Variants in PDE4D observed in about 807,000 individuals in gnomAD.
The protein encoded by PDE4D is 3',5'-cyclic-AMP phosphodiesterase 4D.
A neutral mutation model predicts 87.4 loss-of-function variants in PDE4D; 24 were observed. That is an observed-to-expected ratio of 0.27 (90% CI 0.20 to 0.39). The LOEUF (loss-of-function observed/expected upper bound fraction) is 0.39, where lower values mean the gene tolerates loss of function less well. Ranked by LOEUF, PDE4D falls within the 10% of genes least tolerant of loss-of-function variation. The pLI is 1.00. For missense variants in PDE4D, 714 were observed against 1,041.0 expected (o/e 0.69, Z 4.32); for synonymous variants, 384 against 383.2 (o/e 1.00, Z -0.02).
rs540581067 is a variant in PDE4D, at chr5:60,193,629, G to A, written c.-89-7942C>T. ...GGAGCCTGCAGTGAGCCGAGATTGC[G>A]CCACTGCACTCCAGCCTGGGCGACA... On this transcript the variant is annotated intron_variant, in intron 1 of 16. Transcript: ENST00000502484. Among the ~76,000 whole-genome samples, 193 of 117,658 alleles carry A rather than the reference G, an allele frequency of 1.6e-3. 1 individual carries two copies. The highest frequency in any genetic ancestry group is 5.8e-3 in the African/African-American group (175 of 30,100). 77.2% of individuals were successfully genotyped at this position (117,658 alleles called of 152,430 possible).
intron 2 of PDE4D, among the ~76,000 whole-genome samples, chr5:60,024,670 T>C (rs1766433198): frequency 6.6e-6 from 1 of 152,128 alleles, no homozygotes. Flanking sequence ...GCCACAAATT[T>C]GTAAGTCATA....
At chr5:59,140,736 G>A (rs1056107418) in intron 5 of PDE4D, among the ~76,000 whole-genome samples, 2 of 151,978 alleles carry the variant, frequency 1.3e-5, no homozygotes, top group South Asian at 4.2e-4. Flanking sequence ...TGTACCAGAG[G>A]GTCAATATTT....
chr5:59,209,588 G>A (rs1749634464), intron 2 of PDE4D, among the ~76,000 whole-genome samples: 2 of 152,058 alleles, frequency 1.3e-5, no homozygotes, highest in South Asian at 4.2e-4. Flanking sequence ...TTTAATAACA[G>A]CAACACATTG....
At chr5:60,274,169 T>C (rs1274324415) in intron 1 of PDE4D, among the ~76,000 whole-genome samples, 3 of 151,872 alleles carry the variant, frequency 2.0e-5, no homozygotes, top group Admixed American at 1.3e-4. Context: ...ATATTGATGA[T>C]GGGGGTAGAG....
intron 2 of PDE4D, among the ~76,000 whole-genome samples, chr5:60,039,263 A>C (rs556356398): frequency 1.6e-3 from 236 of 151,442 alleles, no homozygotes; most frequent in Non-Finnish European, 2.9e-3. Context: ...AGCCATAAAA[A>C]AATGAGTTCA....
At chr5:59,335,474 T>C (rs1777497610) in intron 1 of PDE4D, among the ~76,000 whole-genome samples, 1 of 152,176 alleles carries the variant, frequency 6.6e-6, no homozygotes, top group African/African-American at 2.4e-5. Flanking sequence ...CCTCTAAAAA[T>C]ACATAGTTTT....
intron 1 of PDE4D, among the ~76,000 whole-genome samples, chr5:59,232,966 C>T (rs1248217630): frequency 6.6e-6 from 1 of 152,024 alleles, no homozygotes; most frequent in Non-Finnish European, 1.5e-5. Flanking sequence ...CATGTTCTCA[C>T]TCATAAGTGG....
intron 5 of PDE4D, among the ~76,000 whole-genome samples, chr5:59,045,316 G>A (rs1760428777): frequency 6.6e-6 from 1 of 152,172 alleles, no homozygotes; most frequent in Non-Finnish European, 1.5e-5. Flanking sequence ...CACTTTGGGA[G>A]GCCGAGGTGG....
At position 58,974,522 on chromosome 5, in the gene PDE4D, A is replaced by T; in HGVS notation, c.*142T>A. Reference sequence around the variant, plus strand: ...TGGTTACGATATTCCTGAGCGCTGGACTGAGTAGTCAAGGTCAGTTTTGTT... The same window carrying T: ...TGGTTACGATATTCCTGAGCGCTGGTCTGAGTAGTCAAGGTCAGTTTTGTT... On this transcript the variant is annotated 3_prime_UTR_variant, in exon 15 of 15. Transcript: ENST00000340635. 2 of 696,752 alleles carry T rather than the reference A, an allele frequency of 2.9e-6. No individual in the cohort carries two copies. The highest frequency in any genetic ancestry group is 1.8e-5 in the African/African-American group (1 of 56,864). 43.2% of individuals were successfully genotyped at this position (696,752 alleles called of 1,614,324 possible).
intron 1 of PDE4D, among the ~76,000 whole-genome samples, chr5:59,801,892 C>G (rs967131807): frequency 1.3e-5 from 2 of 152,116 alleles, no homozygotes; most frequent in South Asian, 2.1e-4. Context: ...TAGATCAGAA[C>G]AAGTTTATCT....
intron 5 of PDE4D, among the ~76,000 whole-genome samples, chr5:59,078,174 G>A (rs1465123111): frequency 1.3e-5 from 2 of 151,960 alleles, no homozygotes; most frequent in African/African-American, 2.4e-5. Flanking sequence ...AGTGTAGTAT[G>A]GTTTGCAATA....
At chr5:60,296,759 C>T (rs1337311237) in intron 1 of PDE4D, among the ~76,000 whole-genome samples, 9 of 152,008 alleles carry the variant, frequency 5.9e-5, no homozygotes, top group African/African-American at 1.9e-4. Flanking sequence ...TACTACGCCA[C>T]CATAAAAAAG....
At chr5:59,015,482 T>G (rs983228010) in intron 6 of PDE4D, among the ~76,000 whole-genome samples, 1 of 152,100 alleles carries the variant, frequency 6.6e-6, no homozygotes, top group Non-Finnish European at 1.5e-5. Context: ...CAGACACTTC[T>G]CAAAAGAAGA....
chr5:59,613,252 A>T (rs994617236), intron 1 of PDE4D, among the ~76,000 whole-genome samples: 2 of 152,206 alleles, frequency 1.3e-5, no homozygotes, highest in Non-Finnish European at 2.9e-5. Context: ...AGTCAAAGAC[A>T]ACAACAAAGT....
intron 2 of PDE4D, among the ~76,000 whole-genome samples, chr5:60,049,450 T>C (rs187847455): frequency 6.6e-5 from 10 of 152,364 alleles, no homozygotes; most frequent in Non-Finnish European, 1.5e-4. Flanking sequence ...CTCTGCTTTT[T>C]AGAGTTTCCA....
intron 2 of PDE4D, among the ~76,000 whole-genome samples, chr5:60,134,308 G>A (rs984960671): frequency 6.6e-6 from 1 of 152,042 alleles, no homozygotes; most frequent in Non-Finnish European, 1.5e-5. Flanking sequence ...ACCTACCTAA[G>A]TGACATCTCT....
intron 1 of PDE4D, among the ~76,000 whole-genome samples, chr5:60,438,010 T>C (rs1744896624): frequency 6.6e-6 from 1 of 152,168 alleles, no homozygotes; most frequent in African/African-American, 2.4e-5. Context: ...TGCAGGACAG[T>C]GGGCACTATC....
At chr5:59,632,785 G>A (rs1329308495) in intron 1 of PDE4D, among the ~76,000 whole-genome samples, 2 of 152,176 alleles carry the variant, frequency 1.3e-5, no homozygotes, top group South Asian at 2.1e-4. Context: ...GGAAAAACCA[G>A]TGCAAAAAGG....
intron 1 of PDE4D, among the ~76,000 whole-genome samples, chr5:60,414,062 AG>A (rs1160308184): frequency 6.6e-6 from 1 of 152,180 alleles, no homozygotes; most frequent in African/African-American, 2.4e-5. Flanking sequence ...GGTAAGCAGA[AG>A]GGGTCATGTA....
Sources: gnomAD v4.1 joint callset for allele counts (sites outside exome capture counted in the v4.1 genomes callset) on GRCh38, gnomAD v4.1.1 for gene constraint, MANE v1.5 for transcripts, NCBI Gene and HGNC (gene_info 2026-07-23, HGNC 2026-07-21) for gene names.